CSDE1: variants seen among roughly 807,000 people sequenced by gnomAD.
The protein encoded by CSDE1 is cold shock domain containing E1, also known as cold shock domain-containing protein E1.
In CSDE1, 17 loss-of-function variants were observed where a neutral mutation model predicts 89.3. The observed-to-expected ratio is 0.19, with a 90% CI of 0.13 to 0.29. The LOEUF (loss-of-function observed/expected upper bound fraction) is 0.29. CSDE1 is among the 10% of genes least tolerant of loss of function. The pLI, the probability that CSDE1 is intolerant of heterozygous loss-of-function variation, is 1.00. For synonymous variants in CSDE1, 322 were observed against 332.8 expected, an observed-to-expected ratio of 0.97 and a Z score of 0.35; for missense variants, 672 against 984.2, an observed-to-expected ratio of 0.68 and a Z score of 4.24.
intron 2 of CSDE1, chr1:114,741,807 T>C (rs962976702): frequency 2.8e-5 from 17 of 606,956 alleles, no homozygotes; most frequent in Non-Finnish European, 3.9e-5. Context: ...ATACATAGAA[T>C]TAACATTACT....
At chr1:114,737,411 G>A (rs1660463647) in intron 5 of CSDE1, 60 bp downstream of exon 5, 1 of 1,302,870 alleles carries the variant, frequency 7.7e-7, no homozygotes, top group African/African-American at 1.5e-5. Context: ...GAATTTTAAA[G>A]TACGCTTATA....
intron 12 of CSDE1, among the ~76,000 whole-genome samples, chr1:114,729,433 C>A (rs996506714): frequency 6.6e-6 from 1 of 151,622 alleles, no homozygotes; most frequent in African/African-American, 2.4e-5. Context: ...GCAATCAACA[C>A]CCTCCCAGTC....
chr1:114,732,343 C>T (rs569724651), intron 10 of CSDE1, among the ~76,000 whole-genome samples: 2 of 152,054 alleles, frequency 1.3e-5, no homozygotes, highest in African/African-American at 4.8e-5. Context: ...ATATTAAGGG[C>T]CTGAGAATCA....
At chr1:114,743,024 T>C (rs1319507452) in intron 2 of CSDE1, among the ~76,000 whole-genome samples, 1 of 152,236 alleles carries the variant, frequency 6.6e-6, no homozygotes, top group Non-Finnish European at 1.5e-5. Context: ...TTTGTAAACA[T>C]ATACACATAT....
chr1:114,733,950 T>C, intron 8 of CSDE1, 39 bp downstream of exon 8: 2 of 1,606,436 alleles, frequency 1.2e-6, no homozygotes, highest in Non-Finnish European at 1.7e-6. Flanking sequence ...CCAACTCTGA[T>C]CTTAAAAGGC....
At chr1:114,743,380 C>T (rs1335825588) in intron 2 of CSDE1, among the ~76,000 whole-genome samples, 3 of 152,042 alleles carry the variant, frequency 2.0e-5, no homozygotes, top group Non-Finnish European at 2.9e-5. Flanking sequence ...TTAGTAGAGA[C>T]GGGGTTTCAC....
chr1:114,743,980 T>C (rs184427915), intron 2 of CSDE1, among the ~76,000 whole-genome samples: 14 of 152,366 alleles, frequency 9.2e-5, no homozygotes, highest in African/African-American at 3.4e-4. Flanking sequence ...TCCTAATAAT[T>C]TGGCTAAACT....
In CSDE1 at chr1:114,737,483, G is replaced by A. The variant is rs1660467081; in HGVS notation, c.390C>T (p.Tyr130=). 1.9e-6 allele frequency: 3 copies of A among 1,613,126 alleles called. No individual in the cohort carries two copies. Among genetic ancestry groups the A allele is most frequent in the Non-Finnish European group, 2.5e-6 (3 of 1,179,406 alleles). Residue 130 remains tyrosine, a synonymous_variant, in exon 5 of 20, where the codon TAC becomes TAT. Transcript: ENST00000358528. ...TACACAAGTTTACCCCATTACGTTC[G>A]TAGCATACACTCCCTGTTGGACTCT... The part of the protein sequence containing the change: ...PGQSPTGSVC[Y]ERNGEVFYLT...
At position 114,717,939 on chromosome 1, in the gene CSDE1, C is replaced by CG. The variant is rs1288601563; in HGVS notation, c.*229dup. 7 of 502,004 alleles carry CG rather than the reference C, an allele frequency of 1.4e-5. No individual in the cohort carries two copies. The highest frequency in any genetic ancestry group is 2.5e-5 in the Non-Finnish European group (7 of 285,382). 31.1% of individuals were successfully genotyped at this position (502,004 alleles called of 1,614,324 possible). ...AGCTCCTAAAATTGATACTATAAGGCGCCACCTTAAGTTTTTCCAGGCTGC... is the reference window on the plus strand; with the variant it reads ...AGCTCCTAAAATTGATACTATAAGGCGGCCACCTTAAGTTTTTCCAGGCTGC... On this transcript the variant is annotated 3_prime_UTR_variant, in exon 20 of 20. Transcript: ENST00000358528.
chr1:114,719,835 A>G lies in CSDE1; in HGVS notation c.2053-93T>C. 3 of 1,262,896 alleles carry G rather than the reference A, an allele frequency of 2.4e-6. No individual in the cohort carries two copies. In the South Asian group the frequency reaches 4.2e-5, roughly 18 times the overall value. 78.2% of individuals were successfully genotyped at this position (1,262,896 alleles called of 1,614,324 possible). A position where few individuals can be genotyped will look rare whatever the true frequency, so the allele number is the denominator to read the frequency against. On this transcript the variant is annotated intron_variant, in intron 17 of 19. Transcript: ENST00000358528. ...TGCCCCTATCTAAAAGGATGTATAA[A>G]ACATGGTATTAATGTTGATACTCCA...
Position 114,726,389 on chromosome 1 carries a change from G to A in CSDE1, c.1465-3C>T, listed in dbSNP as rs111980813. On this transcript the variant is annotated splice_polypyrimidine_tract_variant and splice_region_variant and intron_variant, in intron 13 of 19. Coordinates refer to ENST00000358528, the MANE Select transcript of CSDE1 (RefSeq NM_001007553.3). ...TTGTCACTAATACTAAATTCAACCT[G>A]TGAAAATTAAGGATGCTCATTAACA... 1.2e-6 allele frequency: 2 copies of A among 1,601,934 alleles called. No homozygotes were observed. The highest frequency in any genetic ancestry group is 3.5e-5 in the Admixed American group (2 of 57,614).
chr1:114,728,635 A>G (rs1398855381), intron 12 of CSDE1, among the ~76,000 whole-genome samples: 1 of 152,240 alleles, frequency 6.6e-6, no homozygotes, highest in African/African-American at 2.4e-5. Flanking sequence ...CCAAGAATTA[A>G]AAGTTATTAA....
At chr1:114,733,707 G>C (rs376194684) in intron 9 of CSDE1, 25 bp downstream of exon 9, 2 of 1,605,816 alleles carry the variant, frequency 1.2e-6, no homozygotes, top group Non-Finnish European at 1.7e-6. Context: ...GGCGAAATAG[G>C]ACTCTCCTGA....
intron 10 of CSDE1, among the ~76,000 whole-genome samples, chr1:114,731,364 CAA>C (rs1660087749): frequency 7.1e-6 from 1 of 140,700 alleles, no homozygotes; most frequent in Non-Finnish European, 1.5e-5. Flanking sequence ...TACCGTAAAG[CAA>C]AACAGATCTT....
chr1:114,736,629 T>C (rs954768667), intron 6 of CSDE1, 129 bp downstream of exon 6: 9 of 604,738 alleles, frequency 1.5e-5, no homozygotes, highest in East Asian at 2.8e-5. Flanking sequence ...AAAGCATTAG[T>C]TGATGAATTG....
intron 15 of CSDE1, 108 bp downstream of exon 15, chr1:114,725,113 A>T: frequency 1.2e-6 from 1 of 844,540 alleles, no homozygotes; most frequent in Admixed American, 1.8e-5. Flanking sequence ...ATGGAATCGC[A>T]CATGAGAATG....
intron 1 of CSDE1, among the ~76,000 whole-genome samples, chr1:114,757,709 C>T (rs916788118): frequency 6.6e-5 from 10 of 152,140 alleles, no homozygotes; most frequent in African/African-American, 9.7e-5. Flanking sequence ...GGCCTCAACT[C>T]CTCGTTTCAG....
chr1:114,737,576 A>C lies in CSDE1; in HGVS notation c.310-13T>G, dbSNP rs1167308631. ...CAGCGCACACAACCTACCAGTCAAA[A>C]AAAAAAAAATTTCCATTGCTAATCA... On this transcript the variant is annotated splice_polypyrimidine_tract_variant and intron_variant, in intron 4 of 19. Coordinates refer to ENST00000358528, the MANE Select transcript of CSDE1 (RefSeq NM_001007553.3). 6.2e-7 allele frequency: 1 copy of C among 1,610,042 alleles called. No individual in the cohort carries two copies. Among genetic ancestry groups the C allele is most frequent in the South Asian group, 1.1e-5 (1 of 90,796 alleles).
In CSDE1 at chr1:114,732,700, A is replaced by G; in HGVS notation, c.954T>C (p.Phe318=). ...TGTCACGTCGGTCTGTTGAAATATT[A>G]AACCTAACATGGTCACCTTCCAGCA... The part of the protein sequence containing the change: ...VTLLEGDHVR[F]NISTDRRDKL... The change falls in exon 10 of 20, where the codon TTT becomes TTC. Residue 318 remains phenylalanine (F), a synonymous_variant. Coordinates refer to ENST00000358528, the MANE Select transcript of CSDE1 (RefSeq NM_001007553.3). The G allele has an allele frequency of 6.2e-7, 1 of 1,614,176 alleles. No individual in the cohort carries two copies. Among genetic ancestry groups the G allele is most frequent in the Non-Finnish European group, 8.5e-7 (1 of 1,179,994 alleles).
Sources: allele counts gnomAD v4.1 joint callset (sites outside exome capture counted in the v4.1 genomes callset), GRCh38; gene constraint gnomAD v4.1.1; transcripts MANE v1.5; gene names NCBI Gene and HGNC (gene_info 2026-07-23, HGNC 2026-07-21).